KNDC1: variants seen among roughly 807,000 people sequenced by gnomAD.
The protein encoded by KNDC1 is kinase non-catalytic C-lobe domain-containing protein 1.
In KNDC1, 106 loss-of-function variants were observed where a neutral mutation model predicts 172.8. The observed-to-expected ratio is 0.61, with a 90% CI of 0.52 to 0.72. KNDC1 has a LOEUF of 0.72. Ranked by LOEUF, KNDC1 falls within the 30% of genes least tolerant of loss-of-function variation. The probability of loss-of-function intolerance (pLI) is 0.00; values close to 1 mark genes in which losing one functional copy is unlikely to be tolerated. For missense variants in KNDC1, 2,325 were observed against 2,394.5 expected, an observed-to-expected ratio of 0.97 and a Z score of 0.61; for synonymous variants, 1,083 against 1,062.2, an observed-to-expected ratio of 1.02 and a Z score of -0.38.
Position 133,209,042 on chromosome 10 carries a change from G to A in KNDC1, c.3795-1569G>A, listed in dbSNP as rs1845289291. Among the ~76,000 whole-genome samples the A allele has an allele frequency of 6.6e-6, 1 of 151,354 alleles. No homozygotes were observed. The highest frequency in any genetic ancestry group is 2.4e-5 in the African/African-American group (1 of 41,126). Reference sequence around the variant, plus strand: ...TGGTGTAGTAGGTACGTGTGCGGTTGTGAGGTATAGTGTGATGTGTGTGCA... The same window carrying A: ...TGGTGTAGTAGGTACGTGTGCGGTTATGAGGTATAGTGTGATGTGTGTGCA... On this transcript the variant is annotated intron_variant, in intron 20 of 29. Coordinates refer to ENST00000304613, the MANE Select transcript of KNDC1 (RefSeq NM_152643.8). This position sits in a 1 kb window ranked among gnomAD's most constrained non-coding sequence, Gnocchi z 4.9.
At chr10:133,168,711 C>T (rs1853268698) in intron 3 of KNDC1, among the ~76,000 whole-genome samples, 1 of 152,268 alleles carries the variant, frequency 6.6e-6, no homozygotes, top group African/African-American at 2.4e-5. Flanking sequence ...GGAATCACAG[C>T]TCCTCTGAGG....
rs1383955056 is a variant in KNDC1, at chr10:133,163,638, G to T, written c.102+3069G>T. Among the ~76,000 whole-genome samples, 1 of 152,200 alleles carries T rather than the reference G, an allele frequency of 6.6e-6. No homozygotes were observed. Among genetic ancestry groups the T allele is most frequent in the Non-Finnish European group, 1.5e-5 (1 of 68,034 alleles). On this transcript the variant is annotated intron_variant, in intron 1 of 29. Coordinates refer to ENST00000304613, the MANE Select transcript of KNDC1 (RefSeq NM_152643.8). The surrounding 1 kb of genome is among the most constrained non-coding windows in gnomAD (Gnocchi z 4.4). ...GCTGAAAAAAATCAGTTGGTCATAA[G>T]ACAGTGTATTTCAAATGCGCCACAC...
chr10:133,209,428 G>C lies in KNDC1; in HGVS notation c.3795-1183G>C, dbSNP rs1446099195. On this transcript the variant is annotated intron_variant, in intron 20 of 29. Coordinates refer to ENST00000304613, the MANE Select transcript of KNDC1 (RefSeq NM_152643.8). This position sits in a 1 kb window ranked among gnomAD's most constrained non-coding sequence, Gnocchi z 4.9. ...ATCTGTGGTGTGTGGCGGGTATAGT[G>C]TGTGTGTGCACGTATGTGTGGTGTG... Among the ~76,000 whole-genome samples, 1 of 63,082 alleles carries C rather than the reference G, an allele frequency of 1.6e-5. No homozygotes were observed. The highest frequency in any genetic ancestry group is 4.7e-5 in the Non-Finnish European group (1 of 21,138). The allele number at this position is 63,082 out of a possible 152,430, so 41.4% of individuals were successfully genotyped here.
Position 133,189,006 on chromosome 10 carries a change from C to T in KNDC1, c.1441+353C>T, listed in dbSNP as rs1057279897. ...GGAACGGGGACTTTGCCATGGCCCT[C>T]GCCCACACATTCTCAACACAGTGAC... On this transcript the variant is annotated intron_variant, in intron 7 of 29. Coordinates refer to ENST00000304613, the MANE Select transcript of KNDC1 (RefSeq NM_152643.8). Among the ~76,000 whole-genome samples, 6 of 152,198 alleles carry T rather than the reference C, an allele frequency of 3.9e-5. No individual in the cohort carries two copies. In the South Asian group the frequency reaches 8.3e-4, roughly 21 times the overall value.
rs1182746812 is a variant in KNDC1, at chr10:133,225,256, A to G, written c.*366A>G. On this transcript the variant is annotated 3_prime_UTR_variant, in exon 30 of 30. Transcript: ENST00000304613. Reference sequence around the variant, plus strand: ...GCTCTCAGTGACTCCCCCACAAAACAGCAACAGCCTCCACCGCCAACTCAA... The same window carrying G: ...GCTCTCAGTGACTCCCCCACAAAACGGCAACAGCCTCCACCGCCAACTCAA... The G allele has an allele frequency of 4.1e-6, 1 of 246,248 alleles. No individual in the cohort carries two copies. The highest frequency in any genetic ancestry group is 5.2e-5 in the Admixed American group (1 of 19,054). 15.3% of individuals were successfully genotyped at this position (246,248 alleles called of 1,614,324 possible).
At chr10:133,199,348 TCCCCCAGC>T in intron 14 of KNDC1, 82 bp downstream of exon 14, 1 of 1,559,110 alleles carries the variant, frequency 6.4e-7, no homozygotes, top group South Asian at 1.2e-5. Context: ...CCCACGCCCT[TCCCCCAGC>T]CCCCCAGCCG....
intron 9 of KNDC1, among the ~76,000 whole-genome samples, chr10:133,190,306 T>C (rs114379216): frequency 3.3e-5 from 4 of 122,706 alleles, no homozygotes; most frequent in African/African-American, 1.8e-4. Context: ...CCACCCTGCA[T>C]TAAACACCCT....
rs773066267 is a variant in KNDC1, at chr10:133,167,524, C to G, written c.246C>G (p.Pro82=). The G allele has an allele frequency of 5.0e-6, 8 of 1,604,126 alleles. No homozygotes were observed. Among genetic ancestry groups the G allele is most frequent in the South Asian group, 1.1e-5 (1 of 89,184 alleles). ...AAIFQSLCIT[P]DTLAFNTSGN... ...TCTTCCAGAGCCTGTGCATCACGCCCGACACCCTGGCCTTCAACACCAGCG... is the reference window on the plus strand; with the variant it reads ...TCTTCCAGAGCCTGTGCATCACGCCGGACACCCTGGCCTTCAACACCAGCG... Residue 82 remains proline, a synonymous_variant, in exon 2 of 30, where the codon CCC becomes CCG. Transcript: ENST00000304613.
In KNDC1 at chr10:133,211,443, G is replaced by C. The variant is rs776838670; in HGVS notation, c.3930G>C (p.Ser1310=). Residue 1310 remains serine (S), a synonymous_variant, in exon 22 of 30, where the codon TCG becomes TCC. Transcript: ENST00000304613. ...TLTRAHQDPT[S]TFTKIYRRSL... ...CCAGGGCCCACCAGGACCCCACCTCGACCTTCACCAAGATCTACAGGCGGA... is the reference window on the plus strand; with the variant it reads ...CCAGGGCCCACCAGGACCCCACCTCCACCTTCACCAAGATCTACAGGCGGA... The C allele has an allele frequency of 5.6e-6, 9 of 1,613,512 alleles. No individual in the cohort carries two copies. The Admixed American group carries it at 1.2e-4, about 21-fold the overall frequency.
At chr10:133,201,446 C>T (rs1325975736) in intron 16 of KNDC1, 55 bp from the exon 17 acceptor site, 43 of 1,517,400 alleles carry the variant, frequency 2.8e-5, no homozygotes, top group South Asian at 6.5e-5. Flanking sequence ...ACAGCCTGCC[C>T]GGGCTCCGCC....
chr10:133,211,744 G>A lies in KNDC1; in HGVS notation c.4122G>A (p.Arg1374=). 6.2e-7 allele frequency: 1 copy of A among 1,610,150 alleles called. No individual in the cohort carries two copies. The highest frequency in any genetic ancestry group is 1.1e-5 in the South Asian group (1 of 90,974). Residue 1374 remains arginine (R), a synonymous_variant, in exon 23 of 30, where the codon CGG becomes CGA. Coordinates refer to ENST00000304613, the MANE Select transcript of KNDC1 (RefSeq NM_152643.8). ...LGLLEVGMDR[R]AEGNPRGTDL... ...TCCTGGAGGTGGGCATGGACCGGCGGGCCGAGGGCAACCCTCGCGGCACAG... is the reference window on the plus strand; with the variant it reads ...TCCTGGAGGTGGGCATGGACCGGCGAGCCGAGGGCAACCCTCGCGGCACAG...
chr10:133,183,853 G>A lies in KNDC1; in HGVS notation c.508-19G>A. The A allele has an allele frequency of 1.3e-6, 2 of 1,547,958 alleles. No individual in the cohort carries two copies. The highest frequency in any genetic ancestry group is 1.8e-6 in the Non-Finnish European group (2 of 1,136,738). On this transcript the variant is annotated intron_variant, in intron 4 of 29. Transcript: ENST00000304613. ...GCCCCTCCTCCGAGCCTTCCTGTCT[G>A]AGGTGTTCCCGTCCCCAGAGCATCA...
At chr10:133,180,323 T>C (rs1178726379) in intron 3 of KNDC1, among the ~76,000 whole-genome samples, 3 of 152,216 alleles carry the variant, frequency 2.0e-5, no homozygotes, top group Non-Finnish European at 4.4e-5. Flanking sequence ...CGTATGGCTC[T>C]GCACCTCGAG....
chr10:133,186,139 C>T lies in KNDC1; in HGVS notation c.791C>T (p.Ser264Phe). ...GCCTCCCCAACCAAGGCTCTGCTGT[C>T]CACCCCGGTGAGAAATGGCGAGAGC... ...PRASPTKALL[S>F]TPVRNGESHS... The change falls in exon 6 of 30, where the codon TCC becomes TTC. Residue 264 changes from serine to phenylalanine, a missense_variant. Physicochemically the swap from Ser to Phe is radical, Grantham distance 155. Coordinates refer to ENST00000304613, the MANE Select transcript of KNDC1 (RefSeq NM_152643.8). The T allele has an allele frequency of 1.3e-6, 2 of 1,593,596 alleles. No individual in the cohort carries two copies. The highest frequency in any genetic ancestry group is 1.3e-5 in the African/African-American group (1 of 74,476).
rs1233560016 is a variant in KNDC1 at position 133,209,507 on chromosome 10, TTC to T, written c.3795-1102_3795-1101del. On this transcript the variant is annotated intron_variant, in intron 20 of 29. Coordinates refer to ENST00000304613, the MANE Select transcript of KNDC1 (RefSeq NM_152643.8). The surrounding 1 kb of genome is among the most constrained non-coding windows in gnomAD (Gnocchi z 4.9). ...GTGGTGTGCGCGTCTGGTTGTGGAG[TTC>T]TGTGTGGCTTTGTGCATGTGTGTGG... 1.3e-5 allele frequency among the ~76,000 whole-genome samples: 2 copies of T among 150,722 alleles called. No homozygotes were observed. The highest frequency in any genetic ancestry group is 4.9e-5 in the African/African-American group (2 of 40,870).
Position 133,199,483 on chromosome 10 carries a change from T to C in KNDC1, c.2784T>C (p.Asp928=). ...GGGAGTACATCTTCGCCTTGAAAGA[T>C]CTCACCTTTGCCACTTTCTGTGGCG... ...IMGEYIFALK[D]LTFATFCGAI... is the part of the protein sequence containing the mutation. The change falls in exon 15 of 30, where the codon GAT becomes GAC. Residue 928 remains aspartate (D), a synonymous_variant. Transcript: ENST00000304613. The C allele has an allele frequency of 6.2e-7, 1 of 1,613,912 alleles. No homozygotes were observed. The highest frequency in any genetic ancestry group is 1.1e-5 in the South Asian group (1 of 91,082).
intron 17 of KNDC1, among the ~76,000 whole-genome samples, chr10:133,206,309 C>T (rs890598385): frequency 1.3e-5 from 2 of 152,290 alleles, no homozygotes; most frequent in African/African-American, 2.4e-5. Flanking sequence ...CCAGCCCCGC[C>T]CACAATGTGC....
Position 133,220,066 on chromosome 10 carries a change from G to C in KNDC1, c.4972G>C (p.Gly1658Arg). 2 of 1,566,110 alleles carry C rather than the reference G, an allele frequency of 1.3e-6. No individual in the cohort carries two copies. The highest frequency in any genetic ancestry group is 1.7e-6 in the Non-Finnish European group (2 of 1,155,432). Residue 1658 changes from glycine (G) to arginine (R), a missense_variant, in exon 29 of 30, where the codon GGC (glycine) becomes CGC (arginine). Gly to Arg is a moderately radical substitution (Grantham distance 125). Coordinates refer to ENST00000304613, the MANE Select transcript of KNDC1 (RefSeq NM_152643.8). The part of the protein sequence containing the change: ...LAMHIQQLET[G>R]GFTMTNGAHR... ...CATGCACATCCAGCAGCTGGAGACA[G>C]GCGGCTTCACCATGACCAACGGGGC...
chr10:133,213,223 G>A (rs537747154), intron 24 of KNDC1, among the ~76,000 whole-genome samples: 1 of 152,318 alleles, frequency 6.6e-6, no homozygotes, highest in South Asian at 2.1e-4. Flanking sequence ...AGGGCCGCAT[G>A]GGGCGCTGAG....
Sources: gnomAD v4.1 joint callset for allele counts (sites outside exome capture counted in the v4.1 genomes callset) on GRCh38, gnomAD v4.1.1 for gene constraint, Gnocchi (gnomAD v3.1) non-coding constraint, MANE v1.5 for transcripts, NCBI Gene and HGNC (gene_info 2026-07-23, HGNC 2026-07-21) for gene names.